SLC44A2: variants seen among roughly 807,000 people sequenced by gnomAD.
The protein encoded by SLC44A2 is solute carrier family 44 member 2 (CTL2 blood group).
A neutral mutation model predicts 90.8 loss-of-function variants in SLC44A2; 57 were observed. The ratio of observed to expected loss-of-function variants is 0.63; its 90% CI spans 0.51 to 0.78. SLC44A2 has a LOEUF of 0.78. Among genes scored for constraint, SLC44A2 ranks in the 30% least tolerant of loss-of-function variants. The pLI, the probability that SLC44A2 is intolerant of heterozygous loss-of-function variation, is 0.00. For missense variants in SLC44A2, 794 were observed against 919.7 expected (o/e 0.86, Z 1.77); for synonymous variants, 355 against 360.7 (o/e 0.98, Z 0.18).
In SLC44A2 at chr19:10,634,955, C is replaced by T. The variant is rs201284372; in HGVS notation, c.956-19C>T. The T allele has an allele frequency of 1.1e-5, 17 of 1,614,176 alleles. No homozygotes were observed. In the African/African-American group the frequency reaches 2.1e-4, roughly 20 times the overall value. On this transcript the variant is annotated intron_variant, in intron 11 of 21. Transcript: ENST00000335757. ...GAGGGAGTGGGGAGCCCAGCCGGCT[C>T]AGCCTTTGCCCTTTGCAGTGATCAT...
Position 10,638,327 on chromosome 19 carries a change from T to TG in SLC44A2, c.1929+16dup. 1 of 1,609,334 alleles carries TG rather than the reference T, an allele frequency of 6.2e-7. No homozygotes were observed. On this transcript the variant is annotated intron_variant, in intron 20 of 21. Coordinates refer to ENST00000335757, the MANE Select transcript of SLC44A2 (RefSeq NM_020428.4). ...GGGTTCCTATACTGGTATGGACCTCTGGGGAGAGATGGGGGTTTGGGAAGA... is the reference window on the plus strand; with the variant it reads ...GGGTTCCTATACTGGTATGGACCTCTGGGGGAGAGATGGGGGTTTGGGAAGA...
chr19:10,615,166 C>T (rs922942044), intron 1 of SLC44A2, among the ~76,000 whole-genome samples: 5 of 151,504 alleles, frequency 3.3e-5, no homozygotes, highest in Non-Finnish European at 5.9e-5. Flanking sequence ...CGTGGTGGCT[C>T]ACACCTGTAA....
rs550015027 is a variant in SLC44A2, at chr19:10,605,040, A to G, written c.31+2479A>G. Among the ~76,000 whole-genome samples the G allele has an allele frequency of 2.6e-5, 4 of 152,278 alleles. No individual in the cohort carries two copies. The South Asian group carries it at 6.2e-4, about 24-fold the overall frequency. On this transcript the variant is annotated intron_variant, in intron 1 of 21. Coordinates refer to the SLC44A2 transcript ENST00000407327. Reference sequence around the variant, plus strand: ...CAATCCAAAACAATAAACTCTGACCATGGAGAAATAAAACTGGGGTCGGGG... The same window carrying G: ...CAATCCAAAACAATAAACTCTGACCGTGGAGAAATAAAACTGGGGTCGGGG...
Position 10,632,126 on chromosome 19 carries a change from A to G in SLC44A2, c.793A>G (p.Ile265Val). The change falls in exon 10 of 22, where the codon ATC becomes GTC. Residue 265 changes from isoleucine to valine, a missense_variant. Physicochemically the swap from Ile to Val is conservative, Grantham distance 29. Around this residue, in one of 3 missense-constraint regions of SLC44A2, gnomAD observed 738 missense variants for 841.1 expected, o/e 0.88. Transcript: ENST00000335757. ...FLAGIMVWVM[I>V]IMVILVLGYG... The stretch of plus-strand genomic sequence containing the variant: ...GGCTGGTATTATGGTCTGGGTGATG[A>G]TCATCATGGTGATTCTGGTGCTGGG... The G allele has an allele frequency of 6.2e-7, 1 of 1,613,898 alleles. No individual in the cohort carries two copies. The highest frequency in any genetic ancestry group is 1.3e-5 in the African/African-American group (1 of 74,932).
At chr19:10,639,019 G>A (rs113480756) in intron 20 of SLC44A2, among the ~76,000 whole-genome samples, 2,049 of 151,722 alleles carry the variant, frequency 0.014, 42 homozygotes, top group African/African-American at 0.046. Flanking sequence ...GGCTGGTCTC[G>A]AACTCCCGAC....
chr19:10,639,211 G>A (rs2144887171), intron 20 of SLC44A2, among the ~76,000 whole-genome samples: 1 of 152,302 alleles, frequency 6.6e-6, no homozygotes, highest in Non-Finnish European at 1.5e-5. Flanking sequence ...TGGGATTGCA[G>A]GTGTGACCCA....
At chr19:10,629,261 CTAT>C (rs6146468) in intron 4 of SLC44A2, among the ~76,000 whole-genome samples, 9 of 144,364 alleles carry the variant, frequency 6.2e-5, no homozygotes, top group African/African-American at 1.5e-4. Flanking sequence ...AGTTTTTAAA[CTAT>C]TATTATTATT....
intron 20 of SLC44A2, among the ~76,000 whole-genome samples, chr19:10,639,880 CA>C (rs112280242): frequency 7.6e-4 from 108 of 141,238 alleles, no homozygotes; most frequent in Non-Finnish European, 6.2e-4. Flanking sequence ...GACTCTCTCT[CA>C]AAAAAAAAAA....
At chr19:10,616,899 C>T (rs140559961) in intron 1 of SLC44A2, among the ~76,000 whole-genome samples, 86 of 152,160 alleles carry the variant, frequency 5.7e-4, no homozygotes, top group Middle Eastern at 3.4e-3. Context: ...CGGACCACCA[C>T]GCCCAGCTTG....
intron 13 of SLC44A2, 71 bp downstream of exon 13, chr19:10,635,326 G>T (rs944485746): frequency 6.2e-7 from 1 of 1,605,114 alleles, no homozygotes; most frequent in African/African-American, 1.3e-5. Flanking sequence ...GAAGTGACCT[G>T]CAGCTTAGGG....
In SLC44A2 at chr19:10,643,492, CT is replaced by C; in HGVS notation, c.*108del. ...CTCACCTGAAGTCCTATCACTGCCG[CT>C]CTGCCCCTCCCCATGAGCCAGATCC... On this transcript the variant is annotated 3_prime_UTR_variant, in exon 22 of 22. Coordinates refer to ENST00000335757, the MANE Select transcript of SLC44A2 (RefSeq NM_020428.4). The C allele has an allele frequency of 3.1e-6, 4 of 1,296,786 alleles. No homozygotes were observed. The highest frequency in any genetic ancestry group is 4.2e-6 in the Non-Finnish European group (4 of 951,766). The allele number at this position is 1,296,786 out of a possible 1,614,324, so 80.3% of individuals were successfully genotyped here.
At chr19:10,634,064 G>A (rs1191555006) in intron 10 of SLC44A2, among the ~76,000 whole-genome samples, 2 of 143,500 alleles carry the variant, frequency 1.4e-5, no homozygotes, top group Middle Eastern at 3.6e-3. Flanking sequence ...TCCGCCTCCC[G>A]GGTTCAAGCA....
chr19:10,640,015 CTATT>C (rs2067098200), intron 20 of SLC44A2, among the ~76,000 whole-genome samples: 6 of 150,578 alleles, frequency 4.0e-5, no homozygotes, highest in Admixed American at 4.0e-4. Flanking sequence ...TTTAGTTCCT[CTATT>C]TAGTAGTTCT....
At chr19:10,643,083 G>T (rs2067136020) in intron 21 of SLC44A2, 196 bp from the exon 22 acceptor site, 1 of 1,458,072 alleles carries the variant, frequency 6.9e-7, no homozygotes. Context: ...CATGAAGCGG[G>T]GGGGTTCCTG....
chr19:10,635,751 A>C, intron 14 of SLC44A2: 1 of 442,940 alleles, frequency 2.3e-6, no homozygotes, highest in South Asian at 3.6e-5. Context: ...TGGGTGCTAA[A>C]TCACCCATTT....
At chr19:10,628,874 GGGGCTATTTTGAT>G (rs2066962887) in intron 4 of SLC44A2, among the ~76,000 whole-genome samples, 1 of 152,034 alleles carries the variant, frequency 6.6e-6, no homozygotes, top group African/African-American at 2.4e-5. Context: ...CCACCCTCAT[GGGGCTATTTTGAT>G]GGTTAGATGT....
At chr19:10,613,294 G>A (rs1418129925) in intron 1 of SLC44A2, among the ~76,000 whole-genome samples, 1 of 150,892 alleles carries the variant, frequency 6.6e-6, no homozygotes, top group Non-Finnish European at 1.5e-5. Flanking sequence ...CTGTCACCCA[G>A]GCTAGAGTGC....
At chr19:10,632,184 C>T (rs754086917) in intron 10 of SLC44A2, 28 bp downstream of exon 10, 1 of 1,580,634 alleles carries the variant, frequency 6.3e-7, no homozygotes, top group South Asian at 1.1e-5. Flanking sequence ...TGTGGCTTCT[C>T]TTTCCTGAAT....
At chr19:10,602,709 C>T (rs1040429149) in intron 1 of SLC44A2, 4 of 696,462 alleles carry the variant, frequency 5.7e-6, no homozygotes, top group African/African-American at 3.8e-5. Context: ...CTGCGCGGAT[C>T]CCACGCCCCC....
Sources: gnomAD v4.1 joint callset for allele counts (sites outside exome capture counted in the v4.1 genomes callset) on GRCh38, gnomAD v4.1.1 for gene constraint, gnomAD v4.1.1 regional missense constraint, MANE v1.5 for transcripts, NCBI Gene and HGNC (gene_info 2026-07-23, HGNC 2026-07-21) for gene names.